FRMD4A: variants seen among roughly 807,000 people sequenced by gnomAD.
The protein encoded by FRMD4A is FERM domain-containing protein 4A.
FRMD4A carries 29 observed loss-of-function variants against 129.1 expected under a neutral mutation model. That is an observed-to-expected ratio of 0.22 (90% CI 0.17 to 0.31). FRMD4A has a LOEUF of 0.31. Ranked by LOEUF, FRMD4A falls within the 10% of genes least tolerant of loss-of-function variation. FRMD4A has a pLI of 1.00. For missense variants in FRMD4A, 1,272 were observed against 1,375.8 expected, an observed-to-expected ratio of 0.92 and a Z score of 1.19; for synonymous variants, 634 against 571.6, an observed-to-expected ratio of 1.11 and a Z score of -1.56.
intron 2 of FRMD4A, among the ~76,000 whole-genome samples, chr10:14,139,412 T>C (rs1231508529): frequency 6.6e-6 from 1 of 151,928 alleles, no homozygotes; most frequent in Non-Finnish European, 1.5e-5. Context: ...TAGAAGTTAA[T>C]AAATCCTATC....
intron 2 of FRMD4A, among the ~76,000 whole-genome samples, chr10:14,130,288 T>G (rs1839172768): frequency 6.6e-6 from 1 of 152,224 alleles, no homozygotes; most frequent in African/African-American, 2.4e-5. Context: ...GTACAGATGG[T>G]CTCACTCTGT....
chr10:13,847,447 A>C (rs1274710807), intron 3 of FRMD4A, among the ~76,000 whole-genome samples: 1 of 152,066 alleles, frequency 6.6e-6, no homozygotes, highest in East Asian at 1.9e-4. Context: ...TCCCTCCACC[A>C]CCAGGGATAC....
intron 3 of FRMD4A, among the ~76,000 whole-genome samples, chr10:13,828,841 T>A (rs927506648): frequency 1.3e-5 from 2 of 152,222 alleles, no homozygotes; most frequent in Non-Finnish European, 2.9e-5. Flanking sequence ...CACCACGTTT[T>A]CTTTATCCAA....
At chr10:14,256,047 C>T (rs1330947685) in intron 2 of FRMD4A, among the ~76,000 whole-genome samples, 2 of 146,954 alleles carry the variant, frequency 1.4e-5, no homozygotes, top group African/African-American at 5.0e-5. Flanking sequence ...GGAAATAAAA[C>T]AATTTTTTAA....
chr10:13,955,239 C>G (rs1020906523), intron 2 of FRMD4A, among the ~76,000 whole-genome samples: 5 of 151,628 alleles, frequency 3.3e-5, no homozygotes, highest in African/African-American at 1.2e-4. Flanking sequence ...TCCAGAGTAG[C>G]TGGGACTACA....
chr10:14,183,627 T>C lies in FRMD4A; in HGVS notation c.45+146431A>G, dbSNP rs1841980854. 2.0e-5 allele frequency among the ~76,000 whole-genome samples: 3 copies of C among 152,148 alleles called. 1 individual carries two copies. In the South Asian group the frequency reaches 6.2e-4, roughly 31 times the overall value. On this transcript the variant is annotated intron_variant, in intron 2 of 24. Transcript: ENST00000357447. ...TTGCTTGATTCAATTTCTCACTGTG[T>C]CAAAATAATGAAATTGATGGGCATC...
chr10:14,304,259 G>A (rs539543902), intron 2 of FRMD4A, among the ~76,000 whole-genome samples: 26 of 152,284 alleles, frequency 1.7e-4, no homozygotes, highest in South Asian at 8.3e-4. Context: ...CCAACAGTGC[G>A]CAAGAGCTCC....
chr10:13,940,253 T>G (rs958677016), intron 2 of FRMD4A, among the ~76,000 whole-genome samples: 1 of 152,076 alleles, frequency 6.6e-6, no homozygotes, highest in African/African-American at 2.4e-5. Flanking sequence ...TTCTTCAAGG[T>G]CACAGATTGG....
intron 2 of FRMD4A, chr10:14,074,904 A>G (rs1835494443): frequency 6.6e-6 from 1 of 152,246 alleles, no homozygotes; most frequent in Non-Finnish European, 1.5e-5. Flanking sequence ...ATTTACTCTT[A>G]GATGGTTTAA....
At chr10:13,685,683 T>C (rs1345585676) in intron 15 of FRMD4A, 11 of 976,496 alleles carry the variant, frequency 1.1e-5, no homozygotes, top group Non-Finnish European at 1.3e-5. Flanking sequence ...TAAAATTTCA[T>C]CACAGTCCTA....
intron 2 of FRMD4A, among the ~76,000 whole-genome samples, chr10:14,047,287 C>T (rs1834029931): frequency 6.6e-6 from 1 of 152,054 alleles, no homozygotes; most frequent in Non-Finnish European, 1.5e-5. Flanking sequence ...GTGATATTGC[C>T]CACGGTACCT....
At position 13,660,417 on chromosome 10, in the gene FRMD4A, G is replaced by A. The variant is rs1410338255; in HGVS notation, c.1797C>T (p.Asn599=). ...GCTTGATGGGTGACTTGTCATAGTC[G>A]TTGCGGTGATAGTGCATCTGTCGGA... ...EGLRQMHYHR[N]DYDKSPIKPK... The change falls in exon 20 of 25, where the codon AAC becomes AAT. Residue 599 remains asparagine, a synonymous_variant. Coordinates refer to ENST00000357447, the MANE Select transcript of FRMD4A (RefSeq NM_018027.5). The A allele has an allele frequency of 1.9e-6, 3 of 1,613,988 alleles. No homozygotes were observed. The highest frequency in any genetic ancestry group is 1.7e-5 in the Admixed American group (1 of 60,024).
intron 2 of FRMD4A, among the ~76,000 whole-genome samples, chr10:13,965,145 G>A (rs1245710746): frequency 6.6e-6 from 1 of 150,404 alleles, no homozygotes; most frequent in Non-Finnish European, 1.5e-5. Context: ...ATATATTTGA[G>A]GTCCACAGAC....
At chr10:13,817,609 C>G (rs1442308526) in intron 3 of FRMD4A, among the ~76,000 whole-genome samples, 1 of 152,198 alleles carries the variant, frequency 6.6e-6, no homozygotes, top group Non-Finnish European at 1.5e-5. Context: ...ATGAATAAGT[C>G]TCACAAGATC....
chr10:13,759,552 A>C (rs1263416509), intron 8 of FRMD4A, among the ~76,000 whole-genome samples: 1 of 152,196 alleles, frequency 6.6e-6, no homozygotes, highest in African/African-American at 2.4e-5. Flanking sequence ...AGTAGACTAG[A>C]CACTGGAATC....
At chr10:14,034,143 C>G (rs1384373553) in intron 2 of FRMD4A, among the ~76,000 whole-genome samples, 1 of 152,214 alleles carries the variant, frequency 6.6e-6, no homozygotes, top group African/African-American at 2.4e-5. Context: ...TAGGGTCCCC[C>G]ACTAAGGACA....
intron 2 of FRMD4A, among the ~76,000 whole-genome samples, chr10:13,957,187 C>G (rs745378077): frequency 2.0e-5 from 3 of 152,238 alleles, no homozygotes; most frequent in Non-Finnish European, 4.4e-5. Context: ...CTGAAACTTT[C>G]AACAAACAGG....
intron 2 of FRMD4A, among the ~76,000 whole-genome samples, chr10:14,167,613 T>C (rs1841256516): frequency 6.7e-6 from 1 of 149,318 alleles, no homozygotes; most frequent in Non-Finnish European, 1.5e-5. Flanking sequence ...TCACAGTCCA[T>C]TGCAAAAGGC....
At position 13,971,479 on chromosome 10, in the gene FRMD4A, C is replaced by T. The variant is rs117992930; in HGVS notation, c.46-112567G>A. Among the ~76,000 whole-genome samples, 636 of 152,244 alleles carry T rather than the reference C, an allele frequency of 4.2e-3. 2 individuals carry two copies. Among genetic ancestry groups the T allele is most frequent in the Non-Finnish European group, 6.6e-3 (447 of 68,012 alleles). On this transcript the variant is annotated intron_variant, in intron 2 of 24. Transcript: ENST00000357447. Reference sequence around the variant, plus strand: ...TTACGGTGCACTTCACGTGGCGCACCGTATGGCACGCATGGCACCTAGAAG... The same window carrying T: ...TTACGGTGCACTTCACGTGGCGCACTGTATGGCACGCATGGCACCTAGAAG...
Sources: gnomAD v4.1 joint callset for allele counts (sites outside exome capture counted in the v4.1 genomes callset) on GRCh38, gnomAD v4.1.1 for gene constraint, MANE v1.5 for transcripts, NCBI Gene and HGNC (gene_info 2026-07-23, HGNC 2026-07-21) for gene names.